The following PCDH11X variants were observed in gnomAD, a reference collection of about 807,000 sequenced individuals.
PCDH11X encodes protocadherin 11 X-linked.
PCDH11X carries 18 observed loss-of-function variants against 53.3 expected under a neutral mutation model. That is an observed-to-expected ratio of 0.34 (90% CI 0.23 to 0.50). The LOEUF is 0.50. Ranked by LOEUF, PCDH11X falls within the 20% of genes least tolerant of loss-of-function variation. PCDH11X has a pLI of 0.98. For missense variants in PCDH11X, 570 were observed against 1,032.4 expected, an observed-to-expected ratio of 0.55 and a Z score of 6.14; for synonymous variants, 279 against 393.3, an observed-to-expected ratio of 0.71 and a Z score of 3.44.
intron 6 of PCDH11X, among the ~76,000 whole-genome samples, chrX:92,191,471 G>A (rs2066191765): frequency 8.9e-6 from 1 of 111,774 alleles, no homozygotes. Context: ...AATTAGAAAC[G>A]TCATTATTAT....
At chrX:92,295,736 TG>T (rs2068591434) in intron 8 of PCDH11X, among the ~76,000 whole-genome samples, 1 of 47,857 alleles carries the variant, frequency 2.1e-5, no homozygotes, top group Admixed American at 2.1e-4. Context: ...TTGACAGGTG[TG>T]TTTGTGTGTG....
intron 6 of PCDH11X, among the ~76,000 whole-genome samples, chrX:91,916,953 G>T (rs1331773471): frequency 9.0e-6 from 1 of 111,076 alleles, no homozygotes; most frequent in Non-Finnish European, 1.9e-5. Flanking sequence ...ATATCAAAAA[G>T]ATAATCCACC....
chrX:91,962,003 C>G (rs1327095118), intron 6 of PCDH11X, among the ~76,000 whole-genome samples: 1 of 108,590 alleles, frequency 9.2e-6, no homozygotes, highest in Non-Finnish European at 1.9e-5. Context: ...CACCAGGTCT[C>G]TCCCATGACA....
rs1255046602 is a variant in PCDH11X at position 92,139,539 on chromosome X, G to C, written c.3034-61836G>C. ...AGCCTCCCAAAGTGCTGAGATTACA[G>C]GCATGAGCCACCCCTCTAGGGCTAA... On this transcript the variant is annotated intron_variant, in intron 6 of 10. Transcript: ENST00000682573. Among the ~76,000 whole-genome samples, 5 of 109,576 alleles carry C rather than the reference G, an allele frequency of 4.6e-5. No homozygotes were observed. The Admixed American group carries it at 5.0e-4, about 11-fold the overall frequency.
intron 6 of PCDH11X, among the ~76,000 whole-genome samples, chrX:92,011,297 C>T (rs1325832536): frequency 2.7e-5 from 3 of 111,746 alleles, no homozygotes; most frequent in Non-Finnish European, 5.6e-5. Flanking sequence ...TGAGTAATTT[C>T]CATTGCTTTC....
intron 8 of PCDH11X, among the ~76,000 whole-genome samples, chrX:92,358,812 G>T (rs1265050206): frequency 9.2e-6 from 1 of 108,693 alleles, no homozygotes; most frequent in African/African-American, 3.3e-5. Context: ...GAGATCTGTA[G>T]GTTCTCATAT....
At chrX:91,992,705 C>T (rs1333515888) in intron 6 of PCDH11X, among the ~76,000 whole-genome samples, 2 of 103,283 alleles carry the variant, frequency 1.9e-5, no homozygotes, top group African/African-American at 7.2e-5. Context: ...TCAGAATCAT[C>T]TTTTATTACA....
intron 9 of PCDH11X, among the ~76,000 whole-genome samples, chrX:92,421,708 C>T (rs1185404162): frequency 1.8e-5 from 2 of 111,949 alleles, no homozygotes; most frequent in Non-Finnish European, 3.8e-5. Context: ...CATGGCTGAA[C>T]TAATTTATAT....
Position 92,482,096 on chromosome X carries a change from C to T in PCDH11X, c.3367+13774C>T, listed in dbSNP as rs752003784. ...GATCCCTCAGTGGCAGCCGTTCCAC[C>T]TGGCTGCTTCTAGTTGGCCATCTTG... On this transcript the variant is annotated intron_variant, in intron 10 of 10. Transcript: ENST00000682573. Among the ~76,000 whole-genome samples, 142 of 103,261 alleles carry T rather than the reference C, an allele frequency of 1.4e-3. 1 individual carries two copies. Among genetic ancestry groups the T allele is most frequent in the African/African-American group, 4.9e-3 (140 of 28,384 alleles). 89.7% of individuals were successfully genotyped at this position (103,261 alleles called of 115,157 possible). A position where few individuals can be genotyped will look rare whatever the true frequency, so the allele number is the denominator to read the frequency against.
chrX:91,930,501 ATATATATATACACG>A (rs1162153639), intron 6 of PCDH11X, among the ~76,000 whole-genome samples: 1 of 105,706 alleles, frequency 9.5e-6, no homozygotes, highest in Non-Finnish European at 1.9e-5. Flanking sequence ...CTCTCCAAAT[ATATATATATACACG>A]TATATATATA....
At chrX:92,189,727 T>C (rs974321178) in intron 6 of PCDH11X, among the ~76,000 whole-genome samples, 2 of 112,137 alleles carry the variant, frequency 1.8e-5, no homozygotes, top group Non-Finnish European at 3.8e-5. Flanking sequence ...CCAGCATCTA[T>C]TTTTTCTTGA....
chrX:92,279,221 C>A (rs2068190410), intron 8 of PCDH11X, among the ~76,000 whole-genome samples: 1 of 112,449 alleles, frequency 8.9e-6, no homozygotes, highest in Admixed American at 9.4e-5. Flanking sequence ...TTATCAGATA[C>A]ACTTTAACAG....
intron 6 of PCDH11X, among the ~76,000 whole-genome samples, chrX:91,926,812 T>A (rs1391713900): frequency 1.8e-5 from 2 of 111,248 alleles, no homozygotes; most frequent in Non-Finnish European, 3.8e-5. Flanking sequence ...TATCATTTCT[T>A]TGTGTTGGGA....
intron 10 of PCDH11X, among the ~76,000 whole-genome samples, chrX:92,544,197 A>G (rs1450477439): frequency 9.0e-6 from 1 of 111,568 alleles, no homozygotes; most frequent in Non-Finnish European, 1.9e-5. Flanking sequence ...TGATTCACAC[A>G]TACTTCACAT....
intron 4 of PCDH11X, among the ~76,000 whole-genome samples, chrX:91,813,073 A>G (rs1174694008): frequency 9.0e-6 from 1 of 111,480 alleles, no homozygotes; most frequent in Non-Finnish European, 1.9e-5. Context: ...ATTAACATTC[A>G]GGTAGTAAAG....
chrX:91,971,445 A>T (rs1310667443), intron 6 of PCDH11X, among the ~76,000 whole-genome samples: 5 of 108,646 alleles, frequency 4.6e-5, no homozygotes, highest in South Asian at 8.2e-4. Context: ...CCAGGGAACT[A>T]TATCAGTTGC....
chrX:92,471,718 G>A (rs779348754), intron 10 of PCDH11X, among the ~76,000 whole-genome samples: 19 of 103,805 alleles, frequency 1.8e-4, no homozygotes, highest in South Asian at 4.7e-4. Context: ...AATAATTTAC[G>A]CTCTCACCAC....
chrX:92,480,518 G>T lies in PCDH11X; in HGVS notation c.3367+12196G>T, dbSNP rs371071910. ...GTCTTCGAAGTTGCTGTTTTGTGAG[G>T]TTTTTTTTTTTTAATCCTATTAGAT... is the stretch of plus-strand genomic sequence containing the variant. On this transcript the variant is annotated intron_variant, in intron 10 of 10. Coordinates refer to ENST00000682573, the MANE Select transcript of PCDH11X (RefSeq NM_032968.5). 3.5e-3 allele frequency among the ~76,000 whole-genome samples: 358 copies of T among 103,044 alleles called. 2 individuals are homozygous for T. Among genetic ancestry groups the T allele is most frequent in the African/African-American group, 0.012 (346 of 28,562 alleles). 89.5% of individuals were successfully genotyped at this position (103,044 alleles called of 115,157 possible).
chrX:92,480,273 T>G (rs769577649), intron 10 of PCDH11X, among the ~76,000 whole-genome samples: 3 of 111,817 alleles, frequency 2.7e-5, no homozygotes, highest in Non-Finnish European at 5.6e-5. Context: ...GATTCTTACC[T>G]TCTTTGAATT....
Sources: gnomAD v4.1 joint callset for allele counts (sites outside exome capture counted in the v4.1 genomes callset) on GRCh38, gnomAD v4.1.1 for gene constraint, MANE v1.5 for transcripts, NCBI Gene and HGNC (gene_info 2026-07-23, HGNC 2026-07-21) for gene names.